Variants in KCNJ6 observed in about 807,000 individuals in gnomAD.
The protein encoded by KCNJ6 is potassium inwardly rectifying channel subfamily J member 6.
A neutral mutation model predicts 34.2 loss-of-function variants in KCNJ6; 9 were observed. That is an observed-to-expected ratio of 0.26 (90% confidence interval 0.16 to 0.46). KCNJ6 has a LOEUF of 0.46. Ranked by LOEUF, KCNJ6 falls within the 20% of genes least tolerant of loss-of-function variation. The probability of loss-of-function intolerance (pLI) is 1.00; values close to 1 mark genes in which losing one functional copy is unlikely to be tolerated. For synonymous variants in KCNJ6, 196 were observed against 207.1 expected, an observed-to-expected ratio of 0.95 and a Z score of 0.46; for missense variants, 236 against 531.3, an observed-to-expected ratio of 0.44 and a Z score of 5.46.
chr21:37,892,856 T>G (rs966158512), intron 1 of KCNJ6, among the ~76,000 whole-genome samples: 1 of 146,134 alleles, frequency 6.8e-6, no homozygotes, highest in African/African-American at 2.6e-5. Flanking sequence ...CTTTCATAGT[T>G]TTTTTTTTTT....
In KCNJ6 at chr21:37,695,821, T is replaced by C. The variant is rs905114756; in HGVS notation, c.946+18390A>G. ...AAGGAACAAGGAATCTTTGGAGAAA[T>C]GTCTGACTCCAGAGCTGGAGCTGAA... On this transcript the variant is annotated intron_variant, in intron 3 of 3. Transcript: ENST00000609713. The surrounding 1 kb of genome is among the most constrained non-coding windows in gnomAD (Gnocchi z 4.2). Among the ~76,000 whole-genome samples, 8 of 152,168 alleles carry C rather than the reference T, an allele frequency of 5.3e-5. No homozygotes were observed. The highest frequency in any genetic ancestry group is 1.2e-4 in the Non-Finnish European group (8 of 68,028).
intron 2 of KCNJ6, among the ~76,000 whole-genome samples, chr21:37,769,489 A>T (rs955914297): frequency 6.6e-6 from 1 of 151,454 alleles, no homozygotes; most frequent in East Asian, 1.9e-4. Flanking sequence ...CAAACTCAAC[A>T]TAGGCAATAT....
chr21:37,713,570 C>A (rs961218999), intron 3 of KCNJ6, among the ~76,000 whole-genome samples: 1 of 152,162 alleles, frequency 6.6e-6, no homozygotes, highest in Non-Finnish European at 1.5e-5. Context: ...CCTAAAACAT[C>A]CCAATGATTA....
intron 3 of KCNJ6, among the ~76,000 whole-genome samples, chr21:37,690,265 A>G (rs2054633679): frequency 6.6e-6 from 1 of 152,234 alleles, no homozygotes; most frequent in Non-Finnish European, 1.5e-5. Context: ...TCTACTCTAT[A>G]GCATGAACCT....
chr21:37,884,064 A>G (rs1420821143), intron 1 of KCNJ6, among the ~76,000 whole-genome samples: 1 of 152,158 alleles, frequency 6.6e-6, no homozygotes. Context: ...GAAGGTTGGC[A>G]TCTGTTTAAA....
chr21:37,740,335 T>A (rs1030522537), intron 2 of KCNJ6, among the ~76,000 whole-genome samples: 2 of 152,188 alleles, frequency 1.3e-5, no homozygotes, highest in Non-Finnish European at 2.9e-5. Context: ...ATCTACTCTC[T>A]CTGAAGCCTG....
intron 3 of KCNJ6, among the ~76,000 whole-genome samples, chr21:37,633,354 T>G (rs2054342088): frequency 6.6e-6 from 1 of 152,174 alleles, no homozygotes; most frequent in East Asian, 1.9e-4. Context: ...ATCATTATTT[T>G]TGATGATGAT....
At chr21:37,862,501 A>G (rs2055599641) in intron 1 of KCNJ6, among the ~76,000 whole-genome samples, 1 of 152,224 alleles carries the variant, frequency 6.6e-6, no homozygotes, top group Non-Finnish European at 1.5e-5. Context: ...TGCAGGGGAA[A>G]TTATGATCTG....
In KCNJ6 at chr21:37,903,985, G is replaced by A. The variant is rs186651346; in HGVS notation, c.-28+11899C>T. 9.8e-4 allele frequency among the ~76,000 whole-genome samples: 149 copies of A among 152,296 alleles called. 1 individual carries two copies. Among genetic ancestry groups the A allele is most frequent in the Non-Finnish European group, 1.0e-4 (7 of 68,032 alleles). On this transcript the variant is annotated intron_variant, in intron 1 of 3. Coordinates refer to ENST00000609713, the MANE Select transcript of KCNJ6 (RefSeq NM_002240.5). ...AACATCCAGATATTGTTGAGTAACTGATCATTTTAAGAAAACCTTATTAAT... is the reference window on the plus strand; with the variant it reads ...AACATCCAGATATTGTTGAGTAACTAATCATTTTAAGAAAACCTTATTAAT...
Position 37,618,086 on chromosome 21 carries a change from C to T in KCNJ6, c.*7073G>A, listed in dbSNP as rs1226186533. The T allele has an allele frequency of 1.3e-5, 2 of 152,274 alleles. No individual in the cohort carries two copies. The highest frequency in any genetic ancestry group is 2.4e-5 in the African/African-American group (1 of 41,444). The allele number at this position is 152,274 out of a possible 1,614,324, so 9.4% of individuals were successfully genotyped here. On this transcript the variant is annotated 3_prime_UTR_variant, in exon 4 of 4. Transcript: ENST00000609713. ...AAGTCTGAGCTACGGGAGGGTATTT[C>T]TCATACCCATGCCCACAGTCAGCAA...
intron 2 of KCNJ6, among the ~76,000 whole-genome samples, chr21:37,731,296 G>A (rs780635575): frequency 2.6e-5 from 4 of 152,316 alleles, no homozygotes; most frequent in Admixed American, 6.5e-5. Flanking sequence ...ACACTAGAGA[G>A]AGGATGCTGG....
chr21:37,883,336 C>G (rs1402964013), intron 1 of KCNJ6, among the ~76,000 whole-genome samples: 1 of 152,212 alleles, frequency 6.6e-6, no homozygotes, highest in African/African-American at 2.4e-5. Flanking sequence ...AAAAGCCATT[C>G]TTAGCTCAAG....
At chr21:37,909,515 G>A (rs2055857361) in intron 1 of KCNJ6, among the ~76,000 whole-genome samples, 1 of 152,038 alleles carries the variant, frequency 6.6e-6, no homozygotes, top group South Asian at 2.1e-4. Context: ...ACAGGCATGT[G>A]CCTCCACACC....
rs59026391 is a variant in KCNJ6, at chr21:37,661,614, G to GTTTTTTTTTTTTTTTTTT, written c.947-36148_947-36131dup. The stretch of plus-strand genomic sequence containing the variant: ...TCCACCCATTTCCTTAAGAGACATA[G>GTTTTTTTTTTTTTTTTTT]TTTTTTTTTTTTTTTTTTTTTTTTT... On this transcript the variant is annotated intron_variant, in intron 3 of 3. Coordinates refer to ENST00000609713, the MANE Select transcript of KCNJ6 (RefSeq NM_002240.5). Among the ~76,000 whole-genome samples, 111 of 71,174 alleles carry GTTTTTTTTTTTTTTTTTT rather than the reference G, an allele frequency of 1.6e-3. 24 individuals are homozygous for GTTTTTTTTTTTTTTTTTT. The highest frequency in any genetic ancestry group is 2.1e-3 in the Non-Finnish European group (79 of 38,262). The allele number at this position is 71,174 out of a possible 152,430, so 46.7% of individuals were successfully genotyped here. A position where few individuals can be genotyped will look rare whatever the true frequency, so the allele number is the denominator to read the frequency against.
intron 1 of KCNJ6, among the ~76,000 whole-genome samples, chr21:37,854,744 A>G (rs1269373749): frequency 1.5e-5 from 1 of 66,252 alleles, no homozygotes; most frequent in African/African-American, 4.0e-5. Flanking sequence ...AAAATATCAC[A>G]TGAGATATTC....
chr21:37,761,431 TTG>T (rs886409211), intron 2 of KCNJ6, among the ~76,000 whole-genome samples: 1 of 150,888 alleles, frequency 6.6e-6, no homozygotes, highest in Non-Finnish European at 1.5e-5. Flanking sequence ...GTGTGTTGTG[TTG>T]TGTGTGTATA....
intron 2 of KCNJ6, among the ~76,000 whole-genome samples, chr21:37,836,630 A>AAC (rs1415709694): frequency 7.2e-5 from 11 of 152,204 alleles, no homozygotes. Flanking sequence ...TCAGCAAACT[A>AAC]ACACGAGAAC....
At chr21:37,725,719 A>C (rs1394965491) in intron 2 of KCNJ6, among the ~76,000 whole-genome samples, 1 of 152,244 alleles carries the variant, frequency 6.6e-6, no homozygotes, top group African/African-American at 2.4e-5. Context: ...GATGTAGTAC[A>C]GCCTCTTTTA....
At chr21:37,771,458 A>T (rs2055117428) in intron 2 of KCNJ6, among the ~76,000 whole-genome samples, 1 of 152,190 alleles carries the variant, frequency 6.6e-6, no homozygotes, top group South Asian at 2.1e-4. Flanking sequence ...GCCAGCTGCC[A>T]CAATTACACA....
Sources: allele counts gnomAD v4.1 joint callset (sites outside exome capture counted in the v4.1 genomes callset), GRCh38; gene constraint gnomAD v4.1.1; non-coding constraint Gnocchi (gnomAD v3.1); transcripts MANE v1.5; gene names NCBI Gene and HGNC (gene_info 2026-07-23, HGNC 2026-07-21).